SPOCK1: variants seen among roughly 807,000 people sequenced by gnomAD.
SPOCK1 encodes the protein testican-1.
A neutral mutation model predicts 55.3 loss-of-function variants in SPOCK1; 23 were observed. The ratio of observed to expected loss-of-function variants is 0.42; its 90% CI spans 0.30 to 0.59. The LOEUF is 0.59. SPOCK1 is among the 20% of genes least tolerant of loss of function. SPOCK1 has a pLI of 0.22. For synonymous variants in SPOCK1, 226 were observed against 221.0 expected (o/e 1.02, Z -0.20); for missense variants, 499 against 552.5 (o/e 0.90, Z 0.97).
intron 2 of SPOCK1, among the ~76,000 whole-genome samples, chr5:137,334,786 T>C (rs1675204229): frequency 6.6e-6 from 1 of 152,186 alleles, no homozygotes; most frequent in South Asian, 2.1e-4. Context: ...ACCTTTGCTG[T>C]TTTGCCTTTC....
intron 2 of SPOCK1, among the ~76,000 whole-genome samples, chr5:137,462,524 C>A (rs886453933): frequency 4.6e-5 from 7 of 152,182 alleles, no homozygotes; most frequent in African/African-American, 1.7e-4. Flanking sequence ...GCTTGGAACC[C>A]CAGCTCCGCC....
At chr5:137,035,602 GCTTCCA>G (rs1199937803) in intron 6 of SPOCK1, among the ~76,000 whole-genome samples, 1 of 152,144 alleles carries the variant, frequency 6.6e-6, no homozygotes, top group African/African-American at 2.4e-5. Flanking sequence ...TCAGGGTGGG[GCTTCCA>G]GTCTGAGACT....
chr5:137,461,691 G>A (rs1213774970), intron 2 of SPOCK1, among the ~76,000 whole-genome samples: 1 of 152,290 alleles, frequency 6.6e-6, no homozygotes, highest in Middle Eastern at 3.4e-3. Flanking sequence ...GAAAAGCAGA[G>A]CTGCCTTTTA....
At chr5:137,498,582 G>C (rs546606461) in intron 1 of SPOCK1, 24 bp from the exon 2 acceptor site, 1 of 1,408,696 alleles carries the variant, frequency 7.1e-7, no homozygotes, top group Admixed American at 3.0e-5. Context: ...CGCGCAGGGC[G>C]ATGAGCGAAG....
intron 2 of SPOCK1, among the ~76,000 whole-genome samples, chr5:137,298,778 G>A (rs1316152135): frequency 6.6e-6 from 1 of 151,936 alleles, no homozygotes; most frequent in Non-Finnish European, 1.5e-5. Context: ...CTTCTTTTAA[G>A]GTCTATTATC....
intron 6 of SPOCK1, among the ~76,000 whole-genome samples, chr5:137,010,318 C>T (rs1751327614): frequency 6.6e-6 from 1 of 152,016 alleles, no homozygotes; most frequent in Non-Finnish European, 1.5e-5. Flanking sequence ...CAAGAATAAA[C>T]ATGCCAAACA....
In SPOCK1 at chr5:136,992,603, A is replaced by G. The variant is rs553309238; in HGVS notation, c.590-3T>C. 4.4e-6 allele frequency: 7 copies of G among 1,609,174 alleles called. No individual in the cohort carries two copies. The highest frequency in any genetic ancestry group is 4.5e-5 in the East Asian group (2 of 44,740). Reference sequence around the variant, plus strand: ...CCGCAACTCCTTGTCTGTGCAGGCTAGAGAAAAGCAAACAGAACAGACAAT... The same window carrying G: ...CCGCAACTCCTTGTCTGTGCAGGCTGGAGAAAAGCAAACAGAACAGACAAT... On this transcript the variant is annotated splice_region_variant and splice_polypyrimidine_tract_variant and intron_variant, in intron 6 of 10. Coordinates refer to ENST00000394945, the MANE Select transcript of SPOCK1 (RefSeq NM_004598.4).
At chr5:137,278,990 C>T (rs1338658510) in intron 2 of SPOCK1, among the ~76,000 whole-genome samples, 1 of 152,114 alleles carries the variant, frequency 6.6e-6, no homozygotes, top group Non-Finnish European at 1.5e-5. Flanking sequence ...TCTGGTCCCG[C>T]TTATTTAGGG....
chr5:137,051,783 C>T (rs374568906), intron 6 of SPOCK1, among the ~76,000 whole-genome samples: 9 of 152,254 alleles, frequency 5.9e-5, no homozygotes, highest in South Asian at 2.1e-4. Flanking sequence ...ATAGCATACA[C>T]GCACACATAC....
At chr5:137,167,369 G>A (rs2127056061) in intron 3 of SPOCK1, among the ~76,000 whole-genome samples, 1 of 151,840 alleles carries the variant, frequency 6.6e-6, no homozygotes, top group South Asian at 2.1e-4. Context: ...ATAATAGCTG[G>A]GGACTTCAAC....
chr5:137,274,089 A>G (rs1406437711), intron 2 of SPOCK1, among the ~76,000 whole-genome samples: 2 of 152,090 alleles, frequency 1.3e-5, no homozygotes, highest in South Asian at 4.2e-4. Context: ...ACTGAGTCTG[A>G]GGTTTATTCC....
intron 3 of SPOCK1, among the ~76,000 whole-genome samples, chr5:137,154,141 G>A (rs1238747482): frequency 6.6e-6 from 1 of 152,040 alleles, no homozygotes; most frequent in Admixed American, 6.5e-5. Context: ...TACAAAATTA[G>A]CCAGGCATGT....
At chr5:137,335,549 A>C (rs141440148) in intron 2 of SPOCK1, among the ~76,000 whole-genome samples, 2 of 152,246 alleles carry the variant, frequency 1.3e-5, no homozygotes, top group African/African-American at 2.4e-5. Context: ...TACATAACTG[A>C]AGAGTTAATA....
chr5:136,988,228 T>C (rs1750880154), intron 8 of SPOCK1, among the ~76,000 whole-genome samples, 194 bp downstream of exon 8: 1 of 152,226 alleles, frequency 6.6e-6, no homozygotes, highest in African/African-American at 2.4e-5. Context: ...ATTTATACTC[T>C]TGGTTTTTCT....
chr5:136,978,384 A>G lies in SPOCK1; in HGVS notation c.*270T>C. 2.6e-6 allele frequency: 1 copy of G among 381,914 alleles called. No individual in the cohort carries two copies. The highest frequency in any genetic ancestry group is 4.1e-5 in the East Asian group (1 of 24,678). The allele number at this position is 381,914 out of a possible 1,614,324, so 23.7% of individuals were successfully genotyped here. On this transcript the variant is annotated 3_prime_UTR_variant, in exon 11 of 11. Transcript: ENST00000394945. ...CACATGCTTGTTGGAAAAATCTCAC[A>G]GAAAGGAAGGAGGCTCTAATTAAGC...
At chr5:137,281,756 CT>C (rs1757169321) in intron 2 of SPOCK1, among the ~76,000 whole-genome samples, 1 of 152,160 alleles carries the variant, frequency 6.6e-6, no homozygotes, top group African/African-American at 2.4e-5. Context: ...TGAAGGCACC[CT>C]GTCAGGGCTG....
chr5:137,059,983 CTT>C (rs2127002232), intron 6 of SPOCK1, among the ~76,000 whole-genome samples: 1 of 152,296 alleles, frequency 6.6e-6, no homozygotes, highest in African/African-American at 2.4e-5. Context: ...AAAGGGAACA[CTT>C]ATATACTGCT....
At chr5:137,360,271 GT>G (rs1282301189) in intron 2 of SPOCK1, among the ~76,000 whole-genome samples, 2 of 152,236 alleles carry the variant, frequency 1.3e-5, no homozygotes, top group African/African-American at 4.8e-5. Context: ...TGGGAAGAGT[GT>G]TGGTTTGAGT....
intron 2 of SPOCK1, among the ~76,000 whole-genome samples, chr5:137,290,432 C>G (rs1198331185): frequency 2.0e-5 from 3 of 152,146 alleles, no homozygotes; most frequent in Non-Finnish European, 2.9e-5. Flanking sequence ...CAGCAGTATC[C>G]TTTGGAAACA....
Sources: gnomAD v4.1 joint callset for allele counts (sites outside exome capture counted in the v4.1 genomes callset) on GRCh38, gnomAD v4.1.1 for gene constraint, MANE v1.5 for transcripts, NCBI Gene and HGNC (gene_info 2026-07-23, HGNC 2026-07-21) for gene names.